Variants in GNB5 observed in about 807,000 individuals in gnomAD.
GNB5 encodes the protein G protein subunit beta 5.
Under a neutral mutation model 55.3 loss-of-function variants are expected in GNB5, and 37 were observed. That is an observed-to-expected ratio of 0.67 (90% CI 0.51 to 0.88). The LOEUF (loss-of-function observed/expected upper bound fraction) is 0.88, where lower values mean the gene tolerates loss of function less well. GNB5 is among the 40% of genes least tolerant of loss of function. GNB5 has a pLI of 0.00. For synonymous variants in GNB5, 219 were observed against 198.5 expected (o/e 1.10, Z -0.87); for missense variants, 476 against 515.3 (o/e 0.92, Z 0.74).
intron 1 of GNB5, among the ~76,000 whole-genome samples, chr15:52,187,111 A>G (rs998110188): frequency 5.9e-5 from 9 of 152,202 alleles, no homozygotes; most frequent in African/African-American, 2.2e-4. Context: ...CCAAGCTAGC[A>G]TGGTCAAGCT....
intron 1 of GNB5, 53 bp from the exon 2 acceptor site, chr15:52,184,747 A>G (rs112785383): frequency 1.4e-5 from 21 of 1,480,828 alleles, no homozygotes; most frequent in African/African-American, 8.4e-5. Flanking sequence ...AATGGTTTTA[A>G]CTTTCTAAAA....
At chr15:52,159,746 A>G (rs1374813722) in intron 3 of GNB5, among the ~76,000 whole-genome samples, 2 of 152,152 alleles carry the variant, frequency 1.3e-5, no homozygotes, top group African/African-American at 4.8e-5. Context: ...CACAGTCTGG[A>G]GGGGGCAGAC....
At chr15:52,172,497 G>C (rs1269010371) in intron 3 of GNB5, among the ~76,000 whole-genome samples, 1 of 151,996 alleles carries the variant, frequency 6.6e-6, no homozygotes, top group African/African-American at 2.4e-5. Flanking sequence ...AGCAGTAAAT[G>C]TGCTGGGTGC....
rs1270211958 is a variant in GNB5 at position 52,133,399 on chromosome 15, T to G, written c.842A>C (p.Glu281Ala). 3 of 1,608,058 alleles carry G rather than the reference T, an allele frequency of 1.9e-6. No individual in the cohort carries two copies. The Admixed American group carries it at 5.0e-5, about 27-fold the overall frequency. ...GQCVQAFETH[E>A]SDINSVRYYP... ...TGACCGGACACTGTTGATGTCAGATTCATGTGTTTCAAAGGCCTGCACGCA... is the reference window on the plus strand; with the variant it reads ...TGACCGGACACTGTTGATGTCAGATGCATGTGTTTCAAAGGCCTGCACGCA... The change falls in exon 9 of 13, where the codon GAA becomes GCA. Residue 281 changes from glutamate (E) to alanine (A), a missense_variant. Glu to Ala is a moderately radical substitution (Grantham distance 107). Coordinates refer to ENST00000261837, the MANE Select transcript of GNB5 (RefSeq NM_016194.4).
chr15:52,151,082 T>G (rs984782488), intron 4 of GNB5, among the ~76,000 whole-genome samples: 29 of 152,172 alleles, frequency 1.9e-4, no homozygotes, highest in African/African-American at 6.8e-4. Context: ...AAGGTCAAAT[T>G]TGGTGGTTTG....
chr15:52,175,811 G>A (rs1485411470), intron 3 of GNB5, among the ~76,000 whole-genome samples: 1 of 151,740 alleles, frequency 6.6e-6, no homozygotes, highest in Non-Finnish European at 1.5e-5. Context: ...AGCACTTTGG[G>A]AGGCCAAGGT....
intron 7 of GNB5, chr15:52,138,013 C>T: frequency 8.3e-7 from 1 of 1,205,718 alleles, no homozygotes; most frequent in South Asian, 1.3e-5. Flanking sequence ...GACCACACCA[C>T]ACCTTCAATT....
chr15:52,131,304 C>T (rs772402831), intron 9 of GNB5, among the ~76,000 whole-genome samples: 81 of 152,092 alleles, frequency 5.3e-4, no homozygotes, highest in Non-Finnish European at 7.4e-4. Context: ...CTATTTACAT[C>T]GCATTTACAC....
chr15:52,125,434 A>G (rs1264744210), intron 11 of GNB5: 1 of 153,210 alleles, frequency 6.5e-6, no homozygotes, highest in African/African-American at 2.4e-5. Context: ...GGCATGCGCC[A>G]CCATGCCCAA....
At chr15:52,174,835 AC>A (rs2034620245) in intron 3 of GNB5, among the ~76,000 whole-genome samples, 1 of 152,128 alleles carries the variant, frequency 6.6e-6, no homozygotes, top group Non-Finnish European at 1.5e-5. Flanking sequence ...TAATCCCAGA[AC>A]TTTGGGAGGC....
intron 3 of GNB5, among the ~76,000 whole-genome samples, chr15:52,177,908 A>G (rs1189776734): frequency 1.3e-5 from 2 of 152,164 alleles, no homozygotes; most frequent in East Asian, 3.9e-4. Flanking sequence ...TGGGTCTAAA[A>G]TCTGGCCCTA....
Position 52,120,117 on chromosome 15 carries a change from T to C in GNB5, c.*2640A>G, listed in dbSNP as rs1265848186. 1 of 152,300 alleles carries C rather than the reference T, an allele frequency of 6.6e-6. No individual in the cohort carries two copies. Among genetic ancestry groups the C allele is most frequent in the East Asian group, 1.9e-4 (1 of 5,204 alleles). The allele number at this position is 152,300 out of a possible 1,614,324, so 9.4% of individuals were successfully genotyped here. A position where few individuals can be genotyped will look rare whatever the true frequency, so the allele number is the denominator to read the frequency against. ...CACACCTTTCTGCCTGAACTTTCTT[T>C]TTTCTGGCCCAGGAGGGGGCTGCCC... On this transcript the variant is annotated 3_prime_UTR_variant, in exon 13 of 13. Coordinates refer to ENST00000261837, the MANE Select transcript of GNB5 (RefSeq NM_016194.4).
chr15:52,170,521 C>T (rs975612846), intron 3 of GNB5, among the ~76,000 whole-genome samples: 4 of 152,042 alleles, frequency 2.6e-5, no homozygotes, highest in Admixed American at 1.3e-4. Context: ...ATGGACACAT[C>T]GGGGGAACAA....
chr15:52,158,618 C>A (rs1223469337), intron 3 of GNB5, among the ~76,000 whole-genome samples: 4 of 152,000 alleles, frequency 2.6e-5, no homozygotes, highest in Non-Finnish European at 5.9e-5. Context: ...GGGTTTCAGA[C>A]CTACTTTCTG....
In GNB5 at chr15:52,126,048, G is replaced by C; in HGVS notation, c.913-4C>G. On this transcript the variant is annotated splice_region_variant and splice_polypyrimidine_tract_variant and intron_variant, in intron 10 of 12. Transcript: ENST00000261837. ...CCCGCAGGTCATAGAGGCGACACTGGGGAGCAAATAAATAAAGAAGCACTT... is the reference window on the plus strand; with the variant it reads ...CCCGCAGGTCATAGAGGCGACACTGCGGAGCAAATAAATAAAGAAGCACTT... The C allele has an allele frequency of 6.9e-7, 1 of 1,456,470 alleles. No individual in the cohort carries two copies. Among genetic ancestry groups the C allele is most frequent in the Non-Finnish European group, 9.6e-7 (1 of 1,042,258 alleles). 90.2% of individuals were successfully genotyped at this position (1,456,470 alleles called of 1,614,324 possible). A position where few individuals can be genotyped will look rare whatever the true frequency, so the allele number is the denominator to read the frequency against.
At chr15:52,154,173 GC>G in intron 3 of GNB5, 97 bp from the exon 4 acceptor site, 4 of 1,122,648 alleles carry the variant, frequency 3.6e-6, no homozygotes, top group Non-Finnish European at 4.9e-6. Context: ...GAGGGAGGCG[GC>G]CCCATGGGCT....
In GNB5 at chr15:52,186,909, C is replaced by T. The variant is rs186002728; in HGVS notation, c.-18-2215G>A. ...TGGGCAACAAAGGTGTACAGGGCATCCCTTAGGGACAACAGCTCGCAAGGA... is the reference window on the plus strand; with the variant it reads ...TGGGCAACAAAGGTGTACAGGGCATTCCTTAGGGACAACAGCTCGCAAGGA... On this transcript the variant is annotated intron_variant, in intron 1 of 12. Coordinates refer to ENST00000261837, the MANE Select transcript of GNB5 (RefSeq NM_016194.4). 1.6e-3 allele frequency among the ~76,000 whole-genome samples: 251 copies of T among 152,262 alleles called. 1 individual carries two copies. Among genetic ancestry groups the T allele is most frequent in the East Asian group, 0.014 (70 of 5,172 alleles).
chr15:52,161,498 A>G (rs1238891538), intron 3 of GNB5, among the ~76,000 whole-genome samples: 2 of 152,104 alleles, frequency 1.3e-5, no homozygotes, highest in Non-Finnish European at 2.9e-5. Flanking sequence ...ATGGGGTTCC[A>G]CCATGTTGCC....
Position 52,141,197 on chromosome 15 carries a change from A to G in GNB5, c.570T>C (p.Ser190=), listed in dbSNP as rs2033845040. The G allele has an allele frequency of 1.2e-6, 2 of 1,613,960 alleles. No individual in the cohort carries two copies. Among genetic ancestry groups the G allele is most frequent in the African/African-American group, 1.3e-5 (1 of 74,932 alleles). The change falls in exon 7 of 13, where the codon TCT becomes TCC. Residue 190 remains serine (S), a synonymous_variant. Transcript: ENST00000261837. ...ACAGGTAGTTGGTGTGCATAGCAACAGACTTCTTTTTGGCAGCCATGTTTT... is the reference window on the plus strand; with the variant it reads ...ACAGGTAGTTGGTGTGCATAGCAACGGACTTCTTTTTGGCAGCCATGTTTT... ...KNENMAAKKK[S]VAMHTNYLSA...
Sources: gnomAD v4.1 joint callset for allele counts (sites outside exome capture counted in the v4.1 genomes callset) on GRCh38, gnomAD v4.1.1 for gene constraint, MANE v1.5 for transcripts, NCBI Gene and HGNC (gene_info 2026-07-23, HGNC 2026-07-21) for gene names.